The following RBPJ variants were observed in gnomAD, a reference collection of about 807,000 sequenced individuals.
RBPJ encodes the protein recombining binding protein suppressor of hairless.
A neutral mutation model predicts 67.8 loss-of-function variants in RBPJ; 9 were observed. That is an observed-to-expected ratio of 0.13 (90% CI 0.08 to 0.23). The LOEUF (loss-of-function observed/expected upper bound fraction) is 0.23. RBPJ is among the 10% of genes least tolerant of loss of function. The pLI, the probability that RBPJ is intolerant of heterozygous loss-of-function variation, is 1.00. For missense variants in RBPJ, 305 were observed against 595.6 expected, an observed-to-expected ratio of 0.51 and a Z score of 5.08; for synonymous variants, 198 against 203.3, an observed-to-expected ratio of 0.97 and a Z score of 0.22.
chr4:26,402,264 T>C (rs1464023960), intron 2 of RBPJ, among the ~76,000 whole-genome samples: 1 of 152,190 alleles, frequency 6.6e-6, no homozygotes, highest in Non-Finnish European at 1.5e-5. Context: ...CCTCATCATG[T>C]TACCCTCTCC....
In RBPJ at chr4:26,366,940, A is replaced by G. The variant is rs965868997; in HGVS notation, c.21-19413A>G. On this transcript the variant is annotated intron_variant, in intron 1 of 10. Transcript: ENST00000355476. ...CCAGTTTGAGACCAGCCTGGCCAAT[A>G]TGGTGAAACCTCATCTCTACTAAAA... Among the ~76,000 whole-genome samples the G allele has an allele frequency of 5.9e-5, 9 of 151,442 alleles. No homozygotes were observed. In the East Asian group the frequency reaches 1.2e-3, roughly 20 times the overall value.
rs747169231 is a variant in RBPJ at position 26,424,810 on chromosome 4, C to T, written c.747+67C>T. 8.8e-5 allele frequency: 82 copies of T among 928,638 alleles called. No homozygotes were observed. The South Asian group carries it at 1.0e-3, about 12-fold the overall frequency. 57.5% of individuals were successfully genotyped at this position (928,638 alleles called of 1,614,324 possible). A position where few individuals can be genotyped will look rare whatever the true frequency, so the allele number is the denominator to read the frequency against. ...ATTAATTTCTTAAACAGGAAAATCA[C>T]AACATTCAAATGGAAAAACACACCT... On this transcript the variant is annotated intron_variant, in intron 7 of 10. Coordinates refer to ENST00000355476, the MANE Select transcript of RBPJ (RefSeq NM_015874.6). This position sits in a 1 kb window ranked among gnomAD's most constrained non-coding sequence, Gnocchi z 5.3.
intron 1 of RBPJ, among the ~76,000 whole-genome samples, chr4:26,200,787 G>T (rs1174639764): frequency 6.6e-6 from 1 of 152,062 alleles, no homozygotes; most frequent in East Asian, 1.9e-4. Context: ...CATCTCAGGA[G>T]CCTCCTTGAC....
chr4:26,242,108 C>CA (rs1560224766), intron 1 of RBPJ, among the ~76,000 whole-genome samples: 1 of 152,068 alleles, frequency 6.6e-6, no homozygotes, highest in Non-Finnish European at 1.5e-5. Flanking sequence ...CATTAAGGTC[C>CA]CTACACGCTG....
rs1162783964 is a variant in RBPJ, at chr4:26,214,541, G to GAGGGAAGGAGGA, written c.-167+50932_-167+50933insAGGAGGAAGGGA. On this transcript the variant is annotated intron_variant, in intron 1 of 4. Transcript: ENST00000512351. ...GGAGGGAGGGAAGGAGGAAGGGAGG[G>GAGGGAAGGAGGA]AGGGAGGGAGGGAAAAGAGAGAGAA... 6.3e-3 allele frequency among the ~76,000 whole-genome samples: 74 copies of GAGGGAAGGAGGA among 11,836 alleles called. 3 individuals are homozygous for GAGGGAAGGAGGA. Among genetic ancestry groups the GAGGGAAGGAGGA allele is most frequent in the South Asian group, 0.046 (15 of 328 alleles). 7.8% of individuals were successfully genotyped at this position (11,836 alleles called of 152,430 possible).
At chr4:26,326,398 T>C (rs144679657) in intron 1 of RBPJ, among the ~76,000 whole-genome samples, 9 of 152,310 alleles carry the variant, frequency 5.9e-5, no homozygotes, top group African/African-American at 1.9e-4. Flanking sequence ...ACTTTTGTTT[T>C]TTATATGATT....
intron 1 of RBPJ, among the ~76,000 whole-genome samples, chr4:26,369,754 C>G (rs1728970292): frequency 6.6e-6 from 1 of 152,124 alleles, no homozygotes; most frequent in Non-Finnish European, 1.5e-5. Context: ...TTTTATTTCT[C>G]TTCAACTTGG....
At chr4:26,123,479 T>C in the RBPJ span, among the ~76,000 whole-genome samples, 2 of 152,176 alleles carry the variant, frequency 1.3e-5, no homozygotes, top group African/African-American at 4.8e-5. Flanking sequence ...ATAAACACTG[T>C]ACACTTAGGC....
chr4:26,119,158 C>T, the RBPJ span, among the ~76,000 whole-genome samples: 1 of 152,222 alleles, frequency 6.6e-6, no homozygotes, highest in South Asian at 2.1e-4. Flanking sequence ...AAGCCCCTAG[C>T]ACAAGGCTGC....
upstream of RBPJ, among the ~76,000 whole-genome samples, chr4:26,318,606 C>T (rs937559878): frequency 6.6e-6 from 1 of 152,212 alleles, no homozygotes; most frequent in Non-Finnish European, 1.5e-5. Context: ...GAGCAAGAAT[C>T]TATACAAGGC....
At chr4:26,333,299 A>G (rs559781093) in intron 1 of RBPJ, among the ~76,000 whole-genome samples, 1 of 152,352 alleles carries the variant, frequency 6.6e-6, no homozygotes, top group African/African-American at 2.4e-5. Context: ...TAAAAATTTC[A>G]GTAGTTTTGC....
chr4:26,423,128 G>A (rs997359679), intron 5 of RBPJ, among the ~76,000 whole-genome samples: 12 of 152,166 alleles, frequency 7.9e-5, no homozygotes, highest in Admixed American at 3.3e-4. Context: ...GAAATAGAGC[G>A]TGGGCCTAGT....
At chr4:26,386,080 G>A (rs911350200) in intron 1 of RBPJ, among the ~76,000 whole-genome samples, 14 of 152,090 alleles carry the variant, frequency 9.2e-5, no homozygotes, top group East Asian at 1.9e-4. Context: ...TTGGTAAGTC[G>A]TCTCTAAAAG....
chr4:26,295,497 A>C (rs1304171482), intron 1 of RBPJ, among the ~76,000 whole-genome samples: 1 of 152,164 alleles, frequency 6.6e-6, no homozygotes. Context: ...AAAGTTGGGC[A>C]CTAATGTGAT....
chr4:26,292,568 C>T (rs1016515987), intron 1 of RBPJ, among the ~76,000 whole-genome samples: 11 of 150,340 alleles, frequency 7.3e-5, no homozygotes, highest in Admixed American at 7.3e-4. Flanking sequence ...TTACAGCCGC[C>T]CACCATCGGG....
chr4:26,405,891 G>A (rs1733348856), intron 2 of RBPJ, among the ~76,000 whole-genome samples: 1 of 152,152 alleles, frequency 6.6e-6, no homozygotes, highest in African/African-American at 2.4e-5. Flanking sequence ...ATTCTGGAAG[G>A]TGTAATTGTG....
chr4:26,127,593 A>T, the RBPJ span, among the ~76,000 whole-genome samples: 1 of 152,242 alleles, frequency 6.6e-6, no homozygotes, highest in South Asian at 2.1e-4. Context: ...AAGATGGAGT[A>T]TATCAGCATA....
intron 1 of RBPJ, among the ~76,000 whole-genome samples, chr4:26,338,536 T>C (rs192451229): frequency 6.6e-6 from 1 of 151,978 alleles, no homozygotes; most frequent in East Asian, 1.9e-4. Flanking sequence ...AGTTTGGCTT[T>C]TTTGTTTGTT....
At chr4:26,169,767 C>T (rs1716492182) in intron 1 of RBPJ, among the ~76,000 whole-genome samples, 1 of 152,194 alleles carries the variant, frequency 6.6e-6, no homozygotes, top group African/African-American at 2.4e-5. Flanking sequence ...CCTAAGCGAG[C>T]CTGGGCAATG....
Sources: allele counts gnomAD v4.1 joint callset (sites outside exome capture counted in the v4.1 genomes callset), GRCh38; gene constraint gnomAD v4.1.1; non-coding constraint Gnocchi (gnomAD v3.1); transcripts MANE v1.5; gene names NCBI Gene and HGNC (gene_info 2026-07-23, HGNC 2026-07-21).